CYP2C19: variants seen among roughly 807,000 people sequenced by gnomAD.
The protein encoded by CYP2C19 is cytochrome P450 2C19.
A neutral mutation model predicts 40.9 loss-of-function variants in CYP2C19; 59 were observed. That is an observed-to-expected ratio of 1.44 (90% CI 1.17 to 1.79). The LOEUF (loss-of-function observed/expected upper bound fraction) is 1.79. CYP2C19 is among the 40% of genes most tolerant of loss of function. The pLI is 0.00. For synonymous variants in CYP2C19, 253 were observed against 208.7 expected, an observed-to-expected ratio of 1.21 and a Z score of -1.83; for missense variants, 754 against 596.9, an observed-to-expected ratio of 1.26 and a Z score of -2.74.
intron 7 of CYP2C19, among the ~76,000 whole-genome samples, chr10:94,846,088 A>C (rs1453932651): frequency 2.0e-5 from 3 of 152,076 alleles, no homozygotes; most frequent in Non-Finnish European, 4.4e-5. Flanking sequence ...AAAATTTCCC[A>C]ATTCTTAAGG....
chr10:94,788,055 T>C (rs1203924004), intron 5 of CYP2C19, among the ~76,000 whole-genome samples: 1 of 152,230 alleles, frequency 6.6e-6, no homozygotes, highest in East Asian at 1.9e-4. Context: ...AACAGTGTTT[T>C]GTAGCTCTCC....
intron 5 of CYP2C19, among the ~76,000 whole-genome samples, chr10:94,801,079 A>C (rs912454071): frequency 6.6e-6 from 1 of 152,232 alleles, no homozygotes; most frequent in Non-Finnish European, 1.5e-5. Flanking sequence ...TTGGAAGTGC[A>C]GAAATCACTT....
chr10:94,816,324 A>G (rs1849001615), intron 5 of CYP2C19, among the ~76,000 whole-genome samples: 1 of 151,300 alleles, frequency 6.6e-6, no homozygotes, highest in South Asian at 2.1e-4. Context: ...TTTATGCAAA[A>G]CAAAGTAGCC....
chr10:94,830,577 C>A (rs1167801721), intron 6 of CYP2C19, among the ~76,000 whole-genome samples: 2 of 152,158 alleles, frequency 1.3e-5, no homozygotes, highest in South Asian at 4.1e-4. Flanking sequence ...GTGAGATGAA[C>A]CGGGTACCTC....
intron 5 of CYP2C19, among the ~76,000 whole-genome samples, chr10:94,818,675 G>A (rs2134266554): frequency 6.7e-6 from 1 of 149,510 alleles, no homozygotes; most frequent in Admixed American, 6.7e-5. Flanking sequence ...GTTCACTCAT[G>A]ATTCGGCTCT....
At chr10:94,827,517 A>G (rs1320184988) in intron 6 of CYP2C19, among the ~76,000 whole-genome samples, 1 of 151,802 alleles carries the variant, frequency 6.6e-6, no homozygotes, top group Non-Finnish European at 1.5e-5. Context: ...TATCCCCTTT[A>G]TCGTTTTTTA....
intron 6 of CYP2C19, among the ~76,000 whole-genome samples, chr10:94,839,334 A>T (rs1203006386): frequency 6.6e-6 from 1 of 151,068 alleles, no homozygotes; most frequent in Non-Finnish European, 1.5e-5. Flanking sequence ...CCACCCATGG[A>T]CCTCTGCTAA....
At chr10:94,835,048 C>A (rs767141355) in intron 6 of CYP2C19, among the ~76,000 whole-genome samples, 8 of 152,176 alleles carry the variant, frequency 5.3e-5, no homozygotes, top group Admixed American at 6.5e-5. Flanking sequence ...GGAGCATGAG[C>A]TAGCAGGCTG....
At chr10:94,775,727 G>C in intron 3 of CYP2C19, 188 bp downstream of exon 3, 4 of 879,752 alleles carry the variant, frequency 4.5e-6, no homozygotes, top group Non-Finnish European at 7.0e-6. Flanking sequence ...GTACAGGCAT[G>C]ATTGTGCATA....
At chr10:94,779,168 G>T (rs1286939649) in intron 3 of CYP2C19, among the ~76,000 whole-genome samples, 1 of 152,022 alleles carries the variant, frequency 6.6e-6, no homozygotes, top group Non-Finnish European at 1.5e-5. Context: ...AATGCATGTG[G>T]AGCTTAAAAC....
intron 5 of CYP2C19, among the ~76,000 whole-genome samples, chr10:94,783,617 T>C (rs191118873): frequency 1.3e-3 from 197 of 152,212 alleles, no homozygotes; most frequent in Middle Eastern, 6.8e-3. Context: ...AGGGTTTTTT[T>C]TGGGGGGCTC....
rs141115527 is a variant in CYP2C19, at chr10:94,785,338, T to G, written c.819+3341T>G. On this transcript the variant is annotated intron_variant, in intron 5 of 8. Coordinates refer to ENST00000371321, the MANE Select transcript of CYP2C19 (RefSeq NM_000769.4). ...TCCATTTTTCAGTTATATTTTTCATTTGGAGTGAGGTAGGGTAGGTCCCAG... is the reference window on the plus strand; with the variant it reads ...TCCATTTTTCAGTTATATTTTTCATGTGGAGTGAGGTAGGGTAGGTCCCAG... Among the ~76,000 whole-genome samples, 245 of 152,236 alleles carry G rather than the reference T, an allele frequency of 1.6e-3. 4 individuals are homozygous for G. The highest frequency in any genetic ancestry group is 1.4e-3 in the Non-Finnish European group (98 of 68,000).
At chr10:94,805,731 G>C (rs755727244) in intron 5 of CYP2C19, among the ~76,000 whole-genome samples, 24 of 152,080 alleles carry the variant, frequency 1.6e-4, no homozygotes, top group Non-Finnish European at 2.5e-4. Flanking sequence ...CAACAAAGCA[G>C]TCAACAAACA....
chr10:94,830,101 T>A (rs1849304671), intron 6 of CYP2C19, among the ~76,000 whole-genome samples: 1 of 152,166 alleles, frequency 6.6e-6, no homozygotes, highest in Non-Finnish European at 1.5e-5. Flanking sequence ...GTTACTGCTG[T>A]CTTTTTGTTT....
intron 1 of CYP2C19, among the ~76,000 whole-genome samples, chr10:94,771,912 C>T (rs1391993368): frequency 4.6e-5 from 7 of 152,110 alleles, no homozygotes; most frequent in Admixed American, 4.6e-4. Flanking sequence ...GATTTAGTGG[C>T]CCTTACCAAT....
At chr10:94,807,729 G>A (rs1848854743) in intron 5 of CYP2C19, among the ~76,000 whole-genome samples, 1 of 151,898 alleles carries the variant, frequency 6.6e-6, no homozygotes, top group Admixed American at 6.6e-5. Flanking sequence ...TATTTTAATT[G>A]TAGTATTTGT....
intron 5 of CYP2C19, among the ~76,000 whole-genome samples, chr10:94,817,344 T>G: frequency 6.6e-6 from 1 of 150,560 alleles, no homozygotes; most frequent in East Asian, 2.0e-4. Context: ...GATGAGCATT[T>G]TTTCATGTGT....
At chr10:94,780,778 A>T (rs889603370) in intron 4 of CYP2C19, 119 bp downstream of exon 4, 1 of 1,108,188 alleles carries the variant, frequency 9.0e-7, no homozygotes, top group South Asian at 1.4e-5. Flanking sequence ...TCTTGCCTAG[A>T]CAGCCATGGG....
intron 2 of CYP2C19, 73 bp downstream of exon 2, chr10:94,775,293 C>T: frequency 6.2e-7 from 1 of 1,612,690 alleles, no homozygotes; most frequent in Non-Finnish European, 8.5e-7. Flanking sequence ...AGCAGAGCTT[C>T]TCGGGCAGAG....
Sources: allele counts gnomAD v4.1 joint callset (sites outside exome capture counted in the v4.1 genomes callset), GRCh38; gene constraint gnomAD v4.1.1; transcripts MANE v1.5; gene names NCBI Gene and HGNC (gene_info 2026-07-23, HGNC 2026-07-21).